GPHN: variants seen among roughly 807,000 people sequenced by gnomAD.
GPHN encodes gephyrin.
GPHN carries 17 observed loss-of-function variants against 95.5 expected under a neutral mutation model. The observed-to-expected ratio is 0.18, with a 90% CI of 0.12 to 0.27. The LOEUF is 0.27. Ranked by LOEUF, GPHN falls within the 10% of genes least tolerant of loss-of-function variation. The pLI, the probability that GPHN is intolerant of heterozygous loss-of-function variation, is 1.00. For synonymous variants in GPHN, 320 were observed against 322.5 expected (o/e 0.99, Z 0.08); for missense variants, 660 against 978.1 (o/e 0.67, Z 4.34).
the GPHN span, among the ~76,000 whole-genome samples, chr14:67,557,044 TACTA>T: frequency 1.2e-4 from 19 of 152,342 alleles, no homozygotes; most frequent in African/African-American, 3.1e-4. Context: ...ATCTCTCCAT[TACTA>T]ACTATGACCT....
At chr14:66,700,589 G>C (rs2068461014) in intron 2 of GPHN, among the ~76,000 whole-genome samples, 1 of 152,048 alleles carries the variant, frequency 6.6e-6, no homozygotes, top group African/African-American at 2.4e-5. Context: ...TATTGTCTTT[G>C]CATTTATTAT....
intron 3 of GPHN, among the ~76,000 whole-genome samples, chr14:66,802,895 C>T (rs1486818041): frequency 6.6e-6 from 1 of 152,072 alleles, no homozygotes; most frequent in Admixed American, 6.5e-5. Context: ...CTTTTGGAGC[C>T]ACAAGCTGTG....
At chr14:67,538,653 C>A in the GPHN span, among the ~76,000 whole-genome samples, 1 of 152,106 alleles carries the variant, frequency 6.6e-6, no homozygotes, top group Admixed American at 6.6e-5. Context: ...GCAGCAGGCA[C>A]CCTGCTCCTG....
At chr14:67,389,261 G>A in the GPHN span, among the ~76,000 whole-genome samples, 6 of 152,050 alleles carry the variant, frequency 3.9e-5, no homozygotes, top group African/African-American at 9.7e-5. Flanking sequence ...AAATGCCAAC[G>A]GGAGGAAAGT....
intron 17 of GPHN, among the ~76,000 whole-genome samples, chr14:67,134,244 C>G (rs1183022056): frequency 6.6e-6 from 1 of 152,144 alleles, no homozygotes; most frequent in East Asian, 1.9e-4. Flanking sequence ...GTAGCACATT[C>G]TATTGTTCGA....
chr14:67,471,606 C>T, the GPHN span: 3 of 152,200 alleles, frequency 2.0e-5, no homozygotes, highest in Admixed American at 6.6e-5. Context: ...GTAGTTCATC[C>T]CTGGATTTGA....
At chr14:67,215,196 T>C in the GPHN span, among the ~76,000 whole-genome samples, 1 of 152,082 alleles carries the variant, frequency 6.6e-6, no homozygotes, top group Non-Finnish European at 1.5e-5. Context: ...AGCCCTACAG[T>C]CAAAATAAGT....
intron 3 of GPHN, among the ~76,000 whole-genome samples, chr14:66,813,856 G>A (rs180766845): frequency 1.3e-3 from 192 of 152,280 alleles, no homozygotes; most frequent in Non-Finnish European, 2.3e-3. Flanking sequence ...ATGCCTGCTG[G>A]CAGGGCAGTC....
chr14:67,077,894 G>A (rs758179282), intron 11 of GPHN, among the ~76,000 whole-genome samples: 8 of 152,008 alleles, frequency 5.3e-5, no homozygotes, highest in Admixed American at 1.3e-4. Flanking sequence ...CTTGTCTACC[G>A]CCTGAGATCA....
chr14:66,594,315 A>T (rs897843242), intron 1 of GPHN, among the ~76,000 whole-genome samples: 2 of 150,580 alleles, frequency 1.3e-5, no homozygotes, highest in Non-Finnish European at 2.9e-5. Context: ...GAAAAAAAAA[A>T]TCCTAAAATT....
chr14:67,276,581 A>C, the GPHN span, among the ~76,000 whole-genome samples: 4 of 152,182 alleles, frequency 2.6e-5, no homozygotes, highest in Non-Finnish European at 4.4e-5. Flanking sequence ...CTGGAGCTAT[A>C]AAAGTAAGAC....
intron 4 of GPHN, among the ~76,000 whole-genome samples, chr14:66,841,187 G>T (rs1393697064): frequency 1.3e-5 from 2 of 152,044 alleles, no homozygotes; most frequent in Non-Finnish European, 2.9e-5. Context: ...TAGAACTGGA[G>T]ATGGTAAGCG....
At chr14:67,082,116 T>G (rs1314433471) in intron 11 of GPHN, among the ~76,000 whole-genome samples, 1 of 152,178 alleles carries the variant, frequency 6.6e-6, no homozygotes, top group Non-Finnish European at 1.5e-5. Flanking sequence ...TTTAGGATTG[T>G]CTTTTCTAGT....
chr14:67,382,277 C>T, the GPHN span: 3 of 491,040 alleles, frequency 6.1e-6, no homozygotes, highest in Admixed American at 1.2e-4. Flanking sequence ...ACAAATCACC[C>T]CAAAACGTAA....
intron 5 of GPHN, among the ~76,000 whole-genome samples, chr14:66,911,387 T>C (rs1055800693): frequency 1.3e-5 from 2 of 151,996 alleles, no homozygotes; most frequent in Non-Finnish European, 2.9e-5. Flanking sequence ...TAAAAACTAT[T>C]GAATTGTATC....
chr14:67,513,908 C>G, the GPHN span, among the ~76,000 whole-genome samples: 1 of 152,202 alleles, frequency 6.6e-6, no homozygotes, highest in African/African-American at 2.4e-5. Flanking sequence ...CACTGGGGAC[C>G]TGGAACCTGG....
chr14:66,907,531 CAT>C (rs1382326389), intron 5 of GPHN, among the ~76,000 whole-genome samples: 1 of 152,090 alleles, frequency 6.6e-6, no homozygotes, highest in Non-Finnish European at 1.5e-5. Flanking sequence ...TGTCAAAACT[CAT>C]AGAACTTTAT....
At chr14:67,045,493 CTGTCTT>C (rs1339049349) in intron 10 of GPHN, among the ~76,000 whole-genome samples, 1 of 150,296 alleles carries the variant, frequency 6.7e-6, no homozygotes, top group Non-Finnish European at 1.5e-5. Context: ...CTGTGTGTGT[CTGTCTT>C]TGTCTTTCTC....
intron 8 of GPHN, among the ~76,000 whole-genome samples, chr14:66,964,658 C>G (rs1259345167): frequency 6.6e-6 from 1 of 152,144 alleles, no homozygotes; most frequent in Non-Finnish European, 1.5e-5. Flanking sequence ...CACAGCCAAC[C>G]TTTGATGATC....
Sources: allele counts gnomAD v4.1 joint callset (sites outside exome capture counted in the v4.1 genomes callset), GRCh38; gene constraint gnomAD v4.1.1; transcripts MANE v1.5; gene names NCBI Gene and HGNC (gene_info 2026-07-23, HGNC 2026-07-21).